The following PPM1L variants were observed in gnomAD, a reference collection of about 807,000 sequenced individuals.
The protein encoded by PPM1L is protein phosphatase, Mg2+/Mn2+ dependent 1L, also known as protein phosphatase 1L.
PPM1L carries 13 observed loss-of-function variants against 31.4 expected under a neutral mutation model. The ratio of observed to expected loss-of-function variants is 0.41; its 90% CI spans 0.27 to 0.66. The LOEUF is 0.66. Ranked by LOEUF, PPM1L falls within the 30% of genes least tolerant of loss-of-function variation. The pLI is 0.29. For synonymous variants in PPM1L, 184 were observed against 175.4 expected (o/e 1.05, Z -0.39); for missense variants, 326 against 453.7 (o/e 0.72, Z 2.56).
intron 2 of PPM1L, chr3:161,022,148 C>G (rs1412067859): frequency 3.0e-6 from 2 of 656,562 alleles, no homozygotes; most frequent in African/African-American, 1.9e-5. Flanking sequence ...TTTTTTTTTA[C>G]CCTTAGTTAC....
At chr3:160,814,919 G>A (rs1246313200) in intron 1 of PPM1L, among the ~76,000 whole-genome samples, 2 of 152,016 alleles carry the variant, frequency 1.3e-5, no homozygotes, top group Non-Finnish European at 2.9e-5. Flanking sequence ...ACCAAACATC[G>A]TATGCTCTCA....
chr3:160,825,265 C>T lies in PPM1L; in HGVS notation c.399+68558C>T, dbSNP rs182260703. ...AGTATTTGGGATCCTAAAATAGAACCGTAAGGTGTCAAAAATCTGTCAATA... is the reference window on the plus strand; with the variant it reads ...AGTATTTGGGATCCTAAAATAGAACTGTAAGGTGTCAAAAATCTGTCAATA... On this transcript the variant is annotated intron_variant, in intron 1 of 3. Coordinates refer to ENST00000498165, the MANE Select transcript of PPM1L (RefSeq NM_139245.4). Among the ~76,000 whole-genome samples the T allele has an allele frequency of 6.8e-4, 104 of 151,860 alleles. 2 individuals are homozygous for T. The highest frequency in any genetic ancestry group is 3.5e-3 in the Admixed American group (53 of 15,238).
chr3:160,853,995 G>A (rs1019591472), intron 1 of PPM1L, among the ~76,000 whole-genome samples: 21 of 152,090 alleles, frequency 1.4e-4, no homozygotes, highest in South Asian at 2.1e-4. Context: ...GTCCCCACAC[G>A]TCGGTTGTAG....
chr3:160,969,035 CAGCT>C (rs1716241022), intron 2 of PPM1L, among the ~76,000 whole-genome samples: 1 of 152,210 alleles, frequency 6.6e-6, no homozygotes. Context: ...GAAGAGAGCT[CAGCT>C]GGCTGTTTCT....
chr3:160,759,045 A>C (rs1310125993), intron 1 of PPM1L, among the ~76,000 whole-genome samples: 1 of 152,220 alleles, frequency 6.6e-6, no homozygotes, highest in Admixed American at 6.5e-5. Flanking sequence ...AAATAATATT[A>C]GATAATTTCT....
chr3:160,757,239 C>T (rs1300468869), intron 1 of PPM1L, among the ~76,000 whole-genome samples: 1 of 152,230 alleles, frequency 6.6e-6, no homozygotes, highest in Non-Finnish European at 1.5e-5. Flanking sequence ...ATCCGAGGGG[C>T]AGCTCTGCGC....
At chr3:160,843,831 C>T (rs1318015222) in intron 1 of PPM1L, among the ~76,000 whole-genome samples, 6 of 151,994 alleles carry the variant, frequency 3.9e-5, no homozygotes, top group Non-Finnish European at 5.9e-5. Flanking sequence ...CACATGCACA[C>T]GTATGTTTAT....
At chr3:160,943,625 A>G (rs2108089247) in intron 1 of PPM1L, among the ~76,000 whole-genome samples, 1 of 152,316 alleles carries the variant, frequency 6.6e-6, no homozygotes, top group Non-Finnish European at 1.5e-5. Flanking sequence ...AAAATGTGTT[A>G]TATGTAAAAT....
At chr3:160,934,607 G>A (rs2108081940) in intron 1 of PPM1L, among the ~76,000 whole-genome samples, 1 of 152,300 alleles carries the variant, frequency 6.6e-6, no homozygotes, top group East Asian at 1.9e-4. Flanking sequence ...GATTCAGGCT[G>A]TAGGACAGCT....
At chr3:161,058,103 C>CCA (rs1553758319) in intron 2 of PPM1L, among the ~76,000 whole-genome samples, 1 of 105,936 alleles carries the variant, frequency 9.4e-6, no homozygotes, top group Non-Finnish European at 2.3e-5. Context: ...TTAGTAGGGT[C>CCA]CATCATTTTC....
intron 1 of PPM1L, among the ~76,000 whole-genome samples, chr3:160,944,777 A>ATATG: frequency 1.9e-5 from 1 of 53,444 alleles, no homozygotes; most frequent in African/African-American, 5.9e-5. Context: ...CATGTTATAT[A>ATATG]TTATATTATA....
Position 160,995,002 on chromosome 3 carries a change from A to G in PPM1L, c.574+33092A>G, listed in dbSNP as rs150915853. Among the ~76,000 whole-genome samples, 3 of 152,284 alleles carry G rather than the reference A, an allele frequency of 2.0e-5. No homozygotes were observed. The East Asian group carries it at 5.8e-4, about 29-fold the overall frequency. ...CAGAGGATGATAGGATATAAATTTG[A>G]AGAGATGATGAGGAAGGTTGTAGGA... On this transcript the variant is annotated intron_variant, in intron 2 of 3. Transcript: ENST00000498165.
chr3:160,969,240 A>G (rs1327294782), intron 2 of PPM1L, among the ~76,000 whole-genome samples: 1 of 152,232 alleles, frequency 6.6e-6, no homozygotes, highest in African/African-American at 2.4e-5. Flanking sequence ...ACCAAGCACT[A>G]TAATTTTTGG....
chr3:160,945,710 G>C (rs115939086), intron 1 of PPM1L, among the ~76,000 whole-genome samples: 3 of 151,986 alleles, frequency 2.0e-5, no homozygotes, highest in Admixed American at 6.6e-5. Flanking sequence ...ACAGGTCCAC[G>C]TACACACAGA....
At chr3:160,987,309 A>AGC (rs1716996486) in intron 2 of PPM1L, among the ~76,000 whole-genome samples, 1 of 152,238 alleles carries the variant, frequency 6.6e-6, no homozygotes, top group African/African-American at 2.4e-5. Context: ...TATGAAAGGC[A>AGC]GCATGGTGTA....
intron 1 of PPM1L, among the ~76,000 whole-genome samples, chr3:160,940,500 C>G (rs1715128472): frequency 6.6e-6 from 1 of 152,148 alleles, no homozygotes; most frequent in Non-Finnish European, 1.5e-5. Flanking sequence ...AGCCTAGGGA[C>G]TTGGTGCCTT....
intron 1 of PPM1L, among the ~76,000 whole-genome samples, chr3:160,838,310 G>A (rs1317771877): frequency 2.0e-5 from 3 of 152,126 alleles, no homozygotes; most frequent in Non-Finnish European, 2.9e-5. Flanking sequence ...GAGTTAAAGT[G>A]TAAAACCAAC....
intron 1 of PPM1L, among the ~76,000 whole-genome samples, chr3:160,948,805 G>A (rs1715487766): frequency 6.6e-6 from 1 of 152,132 alleles, no homozygotes; most frequent in African/African-American, 2.4e-5. Flanking sequence ...ATGTTTACTT[G>A]CCAAACTCTG....
At chr3:160,973,980 C>T (rs1482640589) in intron 2 of PPM1L, among the ~76,000 whole-genome samples, 1 of 147,644 alleles carries the variant, frequency 6.8e-6, no homozygotes, top group East Asian at 2.0e-4. Context: ...ACTAACTCGT[C>T]ATCTAGCATT....
Sources: allele counts gnomAD v4.1 joint callset (sites outside exome capture counted in the v4.1 genomes callset), GRCh38; gene constraint gnomAD v4.1.1; transcripts MANE v1.5; gene names NCBI Gene and HGNC (gene_info 2026-07-23, HGNC 2026-07-21).